Variants in WSCD1 observed in about 807,000 individuals in gnomAD.
WSCD1 encodes WSC domain sialate O sulfotransferase 1, also known as sialate:O-sulfotransferase 1.
Under a neutral mutation model 60.4 loss-of-function variants are expected in WSCD1, and 41 were observed. That is an observed-to-expected ratio of 0.68 (90% CI 0.53 to 0.88). WSCD1 has a LOEUF of 0.88. Among genes scored for constraint, WSCD1 ranks in the 40% least tolerant of loss-of-function variants. The pLI, the probability that WSCD1 is intolerant of heterozygous loss-of-function variation, is 0.00. For synonymous variants in WSCD1, 361 were observed against 332.5 expected (o/e 1.09, Z -0.93); for missense variants, 784 against 796.2 (o/e 0.98, Z 0.18).
intron 4 of WSCD1, 152 bp from the exon 5 acceptor site, chr17:6,094,950 T>C: frequency 8.5e-7 from 1 of 1,170,074 alleles, no homozygotes; most frequent in Non-Finnish European, 1.2e-6. Flanking sequence ...CATGACTATG[T>C]CCCATGCAGG....
At position 6,106,343 on chromosome 17, in the gene WSCD1, C is replaced by T. The variant is rs574018102; in HGVS notation, c.850-3264C>T. On this transcript the variant is annotated intron_variant, in intron 5 of 8. Transcript: ENST00000317744. Reference sequence around the variant, plus strand: ...AGCATTATTCACAATAGCTAAAAACCGGGAACAGCCCAGGTGTCAATCACT... The same window carrying T: ...AGCATTATTCACAATAGCTAAAAACTGGGAACAGCCCAGGTGTCAATCACT... Among the ~76,000 whole-genome samples the T allele has an allele frequency of 4.6e-5, 7 of 152,254 alleles. No individual in the cohort carries two copies. In the South Asian group the frequency reaches 8.3e-4, roughly 18 times the overall value.
chr17:6,074,925 C>T (rs548390362), intron 1 of WSCD1, among the ~76,000 whole-genome samples: 20 of 151,686 alleles, frequency 1.3e-4, no homozygotes, highest in Middle Eastern at 3.4e-3. Flanking sequence ...AAGCCAGGCG[C>T]TATGCCTGAG....
intron 5 of WSCD1, among the ~76,000 whole-genome samples, chr17:6,097,120 C>A (rs564958107): frequency 1.3e-5 from 2 of 152,256 alleles, no homozygotes; most frequent in African/African-American, 2.4e-5. Flanking sequence ...ACAGAGCGGC[C>A]GGCTTTGCAG....
At chr17:6,077,412 C>T (rs1051859557) in intron 1 of WSCD1, among the ~76,000 whole-genome samples, 4 of 152,110 alleles carry the variant, frequency 2.6e-5, no homozygotes, top group Non-Finnish European at 4.4e-5. Flanking sequence ...CCAGTCTACC[C>T]GCAATGAGTT....
At chr17:6,093,273 T>C (rs1446938647) in intron 4 of WSCD1, among the ~76,000 whole-genome samples, 1 of 152,180 alleles carries the variant, frequency 6.6e-6, no homozygotes, top group Admixed American at 6.5e-5. Context: ...CCTGTTGCAG[T>C]ATATGCAGTG....
chr17:6,099,569 T>C (rs1186889762), intron 5 of WSCD1, among the ~76,000 whole-genome samples: 1 of 151,814 alleles, frequency 6.6e-6, no homozygotes, highest in East Asian at 1.9e-4. Context: ...TGATTCCCAC[T>C]GTCTTTTCCT....
At chr17:6,087,634 G>A (rs1909744566) in intron 2 of WSCD1, among the ~76,000 whole-genome samples, 1 of 152,226 alleles carries the variant, frequency 6.6e-6, no homozygotes, top group Admixed American at 6.5e-5. Flanking sequence ...AGCCCAGGGA[G>A]GGCAGGGCTA....
intron 4 of WSCD1, 147 bp from the exon 5 acceptor site, chr17:6,094,955 T>C: frequency 8.1e-7 from 1 of 1,231,920 alleles, no homozygotes; most frequent in Non-Finnish European, 1.1e-6. Flanking sequence ...CTATGTCCCA[T>C]GCAGGGCCGT....
In WSCD1 at chr17:6,080,971, C is replaced by T. The variant is rs1437357837; in HGVS notation, c.313C>T (p.Arg105Cys). ...GCCCGGCCCCCGCTGGCTCCGGAGC[C>T]GCAACTCGGAGCTGCGTCAGTTGCG... ...PRPGPRWLRSRNSELRQLRRR... is the reference protein window; with the variant it reads ...PRPGPRWLRSCNSELRQLRRR... The change falls in exon 2 of 9, where the codon CGC (arginine) becomes TGC (cysteine). Residue 105 changes from arginine (R) to cysteine (C), a missense_variant. Arg to Cys is a radical substitution (Grantham distance 180). Coordinates refer to ENST00000317744, the MANE Select transcript of WSCD1 (RefSeq NM_015253.2). This position sits in a 1 kb window ranked among gnomAD's most constrained non-coding sequence, Gnocchi z 6.6. 1.2e-5 allele frequency: 18 copies of T among 1,553,072 alleles called. No individual in the cohort carries two copies. The Admixed American group carries it at 1.2e-4, about 10-fold the overall frequency.
intron 2 of WSCD1, among the ~76,000 whole-genome samples, chr17:6,085,753 GA>G (rs1909596219): frequency 6.6e-6 from 1 of 152,200 alleles, no homozygotes; most frequent in Non-Finnish European, 1.5e-5. Context: ...AGCTGAAATG[GA>G]ACTTCTTTGC....
intron 2 of WSCD1, among the ~76,000 whole-genome samples, chr17:6,082,780 A>C (rs1321107192): frequency 6.6e-6 from 1 of 152,124 alleles, no homozygotes; most frequent in Non-Finnish European, 1.5e-5. Context: ...CAGGAGGAGC[A>C]CTGGGGCCTG....
Position 6,081,151 on chromosome 17 carries a change from T to C in WSCD1, c.427+66T>C, listed in dbSNP as rs1909246211. 4 of 1,471,118 alleles carry C rather than the reference T, an allele frequency of 2.7e-6. 1 individual carries two copies. Among genetic ancestry groups the C allele is most frequent in the Non-Finnish European group, 3.6e-6 (4 of 1,111,224 alleles). The allele number at this position is 1,471,118 out of a possible 1,614,324, so 91.1% of individuals were successfully genotyped here. On this transcript the variant is annotated intron_variant, in intron 2 of 8. Transcript: ENST00000317744. The stretch of plus-strand genomic sequence containing the variant: ...CCCCCATTCAGGGTCACAGGTTTGG[T>C]GTCCCCTTTCTCTCTGCAGGCCTGT...
intron 7 of WSCD1, among the ~76,000 whole-genome samples, chr17:6,115,845 C>T (rs1203173213): frequency 6.6e-6 from 1 of 152,086 alleles, no homozygotes; most frequent in Non-Finnish European, 1.5e-5. Context: ...ATCTGCCTGC[C>T]TCACCCTCCT....
In WSCD1 at chr17:6,080,578, T is replaced by C. The variant is rs1441084196; in HGVS notation, c.-81T>C. ...GGAGCCAGGATGCAAGGATGACGCC[T>C]CCGGAGGCCCTGGCCTCACTCCCAC... On this transcript the variant is annotated 5_prime_UTR_variant, in exon 2 of 9. Coordinates refer to ENST00000317744, the MANE Select transcript of WSCD1 (RefSeq NM_015253.2). This position sits in a 1 kb window ranked among gnomAD's most constrained non-coding sequence, Gnocchi z 6.6. 1 of 1,486,354 alleles carries C rather than the reference T, an allele frequency of 6.7e-7. No individual in the cohort carries two copies. Among genetic ancestry groups the C allele is most frequent in the African/African-American group, 1.4e-5 (1 of 70,574 alleles). 92.1% of individuals were successfully genotyped at this position (1,486,354 alleles called of 1,614,324 possible). A position where few individuals can be genotyped will look rare whatever the true frequency, so the allele number is the denominator to read the frequency against.
intron 7 of WSCD1, among the ~76,000 whole-genome samples, chr17:6,115,796 A>C (rs374403194): frequency 5.3e-5 from 8 of 152,086 alleles, no homozygotes; most frequent in African/African-American, 1.9e-4. Flanking sequence ...GAGGTTTACC[A>C]TGTTGGCCAG....
chr17:6,106,292 A>T (rs72839893), intron 5 of WSCD1, among the ~76,000 whole-genome samples: 12,699 of 152,244 alleles, frequency 0.083, 577 homozygotes, highest in South Asian at 0.11. Flanking sequence ...TTTTGGACCA[A>T]AGGCTTGCAC....
intron 7 of WSCD1, among the ~76,000 whole-genome samples, chr17:6,113,677 G>A (rs1597370226): frequency 6.6e-6 from 1 of 152,202 alleles, no homozygotes; most frequent in Non-Finnish European, 1.5e-5. Context: ...AAAATGGACA[G>A]ATGATATGAA....
Position 6,085,998 on chromosome 17 carries a change from C to T in WSCD1, c.428-1992C>T, listed in dbSNP as rs1435882323. On this transcript the variant is annotated intron_variant, in intron 2 of 8. Coordinates refer to ENST00000317744, the MANE Select transcript of WSCD1 (RefSeq NM_015253.2). ...GTGGCCATGTGTGCTGATGGGCGTCCCCAGATGAAGGTGACCTCAAGAGGC... is the reference window on the plus strand; with the variant it reads ...GTGGCCATGTGTGCTGATGGGCGTCTCCAGATGAAGGTGACCTCAAGAGGC... Among the ~76,000 whole-genome samples, 3 of 151,958 alleles carry T rather than the reference C, an allele frequency of 2.0e-5. No individual in the cohort carries two copies. In the East Asian group the frequency reaches 5.8e-4, roughly 30 times the overall value.
At chr17:6,108,767 G>A (rs1375133053) in intron 5 of WSCD1, among the ~76,000 whole-genome samples, 1 of 152,246 alleles carries the variant, frequency 6.6e-6, no homozygotes, top group African/African-American at 2.4e-5. Context: ...CAGGATGCCA[G>A]CTCTCTTCAG....
Sources: gnomAD v4.1 joint callset for allele counts (sites outside exome capture counted in the v4.1 genomes callset) on GRCh38, gnomAD v4.1.1 for gene constraint, Gnocchi (gnomAD v3.1) non-coding constraint, MANE v1.5 for transcripts, NCBI Gene and HGNC (gene_info 2026-07-23, HGNC 2026-07-21) for gene names.